GARIN1A: variants seen among roughly 807,000 people sequenced by gnomAD.
GARIN1A encodes the protein golgi associated RAB2 interactor 1A, also known as Golgi-associated RAB2 interactor protein 1A.
the GARIN1A span, among the ~76,000 whole-genome samples, chr7:128,674,736 C>G: frequency 6.6e-6 from 1 of 152,056 alleles, no homozygotes. Flanking sequence ...TTCAGTCATC[C>G]CTGGGGCTTT....
At chr7:128,693,897 CGG>C in the GARIN1A span, 1 of 155,068 alleles carries the variant, frequency 6.4e-6, no homozygotes, top group South Asian at 2.0e-4. Flanking sequence ...CATCATACAA[CGG>C]GGAGTGCAAT....
At chr7:128,693,410 TGTG>T in the GARIN1A span, 1 of 153,818 alleles carries the variant, frequency 6.5e-6, no homozygotes, top group Non-Finnish European at 1.4e-5. Context: ...GCAAGAGGAA[TGTG>T]GTGTTTTGGG....
At chr7:128,688,055 C>T in the GARIN1A span, among the ~76,000 whole-genome samples, 9 of 151,290 alleles carry the variant, frequency 5.9e-5, no homozygotes, top group Non-Finnish European at 8.8e-5. Flanking sequence ...CTTGCTCTGT[C>T]GCCCAGGCTG....
At chr7:128,678,511 G>C in the GARIN1A span, among the ~76,000 whole-genome samples, 12 of 152,010 alleles carry the variant, frequency 7.9e-5, no homozygotes, top group Non-Finnish European at 1.8e-4. Flanking sequence ...CCAATCATAT[G>C]AGTGTCTGTA....
At chr7:128,674,937 A>T in the GARIN1A span, among the ~76,000 whole-genome samples, 3 of 152,142 alleles carry the variant, frequency 2.0e-5, no homozygotes, top group African/African-American at 7.2e-5. Context: ...TCTATTTTCT[A>T]AAAAAAGTGT....
the GARIN1A span, among the ~76,000 whole-genome samples, chr7:128,690,178 T>C: frequency 6.6e-6 from 1 of 152,222 alleles, no homozygotes; most frequent in African/African-American, 2.4e-5. Context: ...CAGTGCAAGA[T>C]GTGCTTTGTT....
At chr7:128,688,402 G>A in the GARIN1A span, among the ~76,000 whole-genome samples, 2 of 152,182 alleles carry the variant, frequency 1.3e-5, no homozygotes, top group Non-Finnish European at 2.9e-5. Context: ...CAAAATGAGA[G>A]AAGGATTTAA....
chr7:128,677,959 G>T, the GARIN1A span: 1 of 551,786 alleles, frequency 1.8e-6, no homozygotes, highest in Non-Finnish European at 2.9e-6. Context: ...TCAGTAGTAT[G>T]AATGAATTAA....
the GARIN1A span, chr7:128,687,544 T>C: frequency 1.6e-4 from 25 of 152,314 alleles, no homozygotes; most frequent in African/African-American, 5.5e-4. Context: ...AAGAAGACCA[T>C]TAGGGGAACG....
chr7:128,679,906 A>G, the GARIN1A span: 706 of 526,518 alleles, frequency 1.3e-3, 1 homozygote, highest in Non-Finnish European at 1.7e-3. Context: ...CTGAAGGAAC[A>G]GGTTCCCAGG....
chr7:128,706,049 C>T, the GARIN1A span, among the ~76,000 whole-genome samples: 1 of 152,044 alleles, frequency 6.6e-6, no homozygotes, highest in Non-Finnish European at 1.5e-5. Flanking sequence ...CTCTCTCTCT[C>T]ATCAGTATGA....
the GARIN1A span, chr7:128,680,051 A>G: frequency 1.3e-6 from 2 of 1,571,002 alleles, no homozygotes; most frequent in Non-Finnish European, 1.7e-6. Flanking sequence ...GCCTCCTGTC[A>G]TCCCCCCAGC....
chr7:128,690,734 A>G, the GARIN1A span: 1 of 152,370 alleles, frequency 6.6e-6, no homozygotes, highest in African/African-American at 2.4e-5. Context: ...AAGTCAACTC[A>G]GAAAAACACG....
the GARIN1A span, among the ~76,000 whole-genome samples, chr7:128,688,710 T>C: frequency 3.3e-5 from 5 of 151,340 alleles, no homozygotes; most frequent in Non-Finnish European, 7.4e-5. Context: ...CCTACTCCTC[T>C]CTGCCCCCAT....
chr7:128,686,342 T>G, the GARIN1A span: 1 of 152,194 alleles, frequency 6.6e-6, no homozygotes, highest in Non-Finnish European at 1.5e-5. Flanking sequence ...AAAGATCACA[T>G]AAACCACACC....
chr7:128,681,912 C>T, the GARIN1A span, among the ~76,000 whole-genome samples: 1 of 141,222 alleles, frequency 7.1e-6, no homozygotes, highest in Non-Finnish European at 1.5e-5. Flanking sequence ...GGCCATGGCT[C>T]TGCAGGGACC....
chr7:128,673,231 C>G, the GARIN1A span, among the ~76,000 whole-genome samples: 2 of 152,176 alleles, frequency 1.3e-5, no homozygotes, highest in South Asian at 4.1e-4. Flanking sequence ...AGAGAAAAAT[C>G]AGAGTGTCCC....
At chr7:128,688,578 C>A in the GARIN1A span, among the ~76,000 whole-genome samples, 1 of 151,992 alleles carries the variant, frequency 6.6e-6, no homozygotes, top group Admixed American at 6.6e-5. Flanking sequence ...GTAGGGAGTC[C>A]ACAAACTTTC....
the GARIN1A span, among the ~76,000 whole-genome samples, chr7:128,689,823 G>T: frequency 3.1e-4 from 46 of 150,566 alleles, 2 homozygotes; most frequent in East Asian, 5.2e-3. Flanking sequence ...CGCCCCGTCC[G>T]GGAGGTGGGG....
Sources: allele counts gnomAD v4.1 joint callset (sites outside exome capture counted in the v4.1 genomes callset), GRCh38; gene constraint gnomAD v4.1.1; transcripts MANE v1.5; gene names NCBI Gene and HGNC (gene_info 2026-07-23, HGNC 2026-07-21).